Variants in WNT7B observed in about 807,000 individuals in gnomAD.
WNT7B encodes Wnt family member 7B.
A neutral mutation model predicts 38.2 loss-of-function variants in WNT7B; 19 were observed. The ratio of observed to expected loss-of-function variants is 0.50; its 90% confidence interval spans 0.35 to 0.73. WNT7B has a LOEUF of 0.73. Among genes scored for constraint, WNT7B ranks in the 30% least tolerant of loss-of-function variants. WNT7B has a pLI of 0.01. For missense variants in WNT7B, 423 were observed against 507.9 expected (o/e 0.83, Z 1.61); for synonymous variants, 243 against 209.3 (o/e 1.16, Z -1.39).
rs1387142659 is a variant in WNT7B, at chr22:45,960,607, C to T, written c.72-10461G>A. On this transcript the variant is annotated intron_variant, in intron 1 of 3. Transcript: ENST00000339464. ...GCTGCCGGGCGGCCCTGGGCTCCTG[C>T]GGCCCACGCTTCTGGCCCGGGGCGC... 2.0e-5 allele frequency among the ~76,000 whole-genome samples: 3 copies of T among 152,230 alleles called. No homozygotes were observed. In the East Asian group the frequency reaches 5.8e-4, roughly 29 times the overall value.
At chr22:45,931,635 T>C (rs967661931) in intron 2 of WNT7B, among the ~76,000 whole-genome samples, 2 of 135,674 alleles carry the variant, frequency 1.5e-5, no homozygotes, top group African/African-American at 2.5e-5. Flanking sequence ...CAGTGCACCC[T>C]GCGACTGCCC....
intron 3 of WNT7B, among the ~76,000 whole-genome samples, chr22:45,929,537 C>A: frequency 6.8e-6 from 1 of 146,678 alleles, no homozygotes. Context: ...TCCACCCACT[C>A]ATCCTTCCAA....
intron 2 of WNT7B, among the ~76,000 whole-genome samples, chr22:45,941,566 G>C (rs1469801600): frequency 3.3e-5 from 5 of 151,860 alleles, no homozygotes; most frequent in Non-Finnish European, 7.4e-5. Context: ...CCCCAATGCA[G>C]TGAGGGCAGC....
At chr22:45,974,321 C>A (rs1023504310) in intron 1 of WNT7B, among the ~76,000 whole-genome samples, 1 of 152,210 alleles carries the variant, frequency 6.6e-6, no homozygotes, top group Admixed American at 6.5e-5. Flanking sequence ...ACTCCCCAAC[C>A]TCCTCCTTAA....
chr22:45,933,824 G>A (rs1398363514), intron 2 of WNT7B, among the ~76,000 whole-genome samples: 3 of 152,214 alleles, frequency 2.0e-5, no homozygotes, highest in African/African-American at 7.2e-5. Context: ...AAGATGCTGA[G>A]CTGTGGAAGG....
At chr22:45,931,425 T>A in intron 2 of WNT7B, 56 bp from the exon 3 acceptor site, 1 of 1,511,002 alleles carries the variant, frequency 6.6e-7, no homozygotes. Context: ...CCAGGTGGGC[T>A]CAGGGGACAG....
intron 1 of WNT7B, among the ~76,000 whole-genome samples, chr22:45,953,640 G>A (rs1206969702): frequency 6.6e-6 from 1 of 151,030 alleles, no homozygotes. Context: ...TGGAGAAGAC[G>A]CTCAACCTCA....
At chr22:45,933,015 G>A (rs893125458) in intron 2 of WNT7B, among the ~76,000 whole-genome samples, 3 of 152,238 alleles carry the variant, frequency 2.0e-5, no homozygotes, top group African/African-American at 7.2e-5. Context: ...GCTAGGGGCT[G>A]TGTGCATGCT....
intron 2 of WNT7B, among the ~76,000 whole-genome samples, chr22:45,946,679 C>T (rs573064010): frequency 5.0e-4 from 71 of 142,970 alleles, no homozygotes; most frequent in African/African-American, 1.9e-3. Context: ...CCCTCTGAGG[C>T]GAGCAGAGCA....
intron 2 of WNT7B, among the ~76,000 whole-genome samples, chr22:45,932,443 G>A (rs1601720264): frequency 6.6e-6 from 1 of 151,630 alleles, no homozygotes; most frequent in South Asian, 2.1e-4. Flanking sequence ...GGAGCACTTG[G>A]TACCTGACCC....
intron 3 of WNT7B, chr22:45,926,650 C>T (rs1601714151): frequency 1.0e-6 from 1 of 985,356 alleles, no homozygotes. Context: ...GAATGAGGTG[C>T]CTCACACCCT....
At chr22:45,974,903 G>A (rs1318088728) in intron 1 of WNT7B, among the ~76,000 whole-genome samples, 1 of 152,152 alleles carries the variant, frequency 6.6e-6, no homozygotes, top group Non-Finnish European at 1.5e-5. Flanking sequence ...TCAAGCCCTG[G>A]AAGCAGCCCC....
intron 2 of WNT7B, among the ~76,000 whole-genome samples, chr22:45,935,242 A>G (rs1340585291): frequency 3.3e-5 from 5 of 152,148 alleles, no homozygotes; most frequent in Non-Finnish European, 7.4e-5. Flanking sequence ...GCCTGGACCC[A>G]TGTGCCTTGC....
At chr22:45,925,392 G>A (rs1441760660) in intron 3 of WNT7B, 1 of 985,254 alleles carries the variant, frequency 1.0e-6, no homozygotes, top group Non-Finnish European at 1.2e-6. Context: ...GTGGGAGAGG[G>A]AGGCTGATGT....
chr22:45,922,980 C>T lies in WNT7B; in HGVS notation c.926G>A (p.Cys309Tyr). 6.2e-7 allele frequency: 1 copy of T among 1,613,296 alleles called. No homozygotes were observed. Among genetic ancestry groups the T allele is most frequent in the Non-Finnish European group, 8.5e-7 (1 of 1,179,864 alleles). ...CTGGTGGGTGTTGTAGCCTCGGCCGCAGCACATGGTGTCACAGCCGTCCGC... is the reference window on the plus strand; with the variant it reads ...CTGGTGGGTGTTGTAGCCTCGGCCGTAGCACATGGTGTCACAGCCGTCCGC... Reference protein sequence around the residue: ...PGADGCDTMCCGRGYNTHQYT... With the variant: ...PGADGCDTMCYGRGYNTHQYT... The change falls in exon 4 of 4, where the codon TGC becomes TAC. Residue 309 changes from cysteine (C) to tyrosine (Y), a missense_variant. Transcript: ENST00000339464.
chr22:45,936,259 C>T (rs1931511751), intron 2 of WNT7B: 1 of 796,762 alleles, frequency 1.3e-6, no homozygotes, highest in African/African-American at 1.9e-5. Context: ...CCTCACCTTG[C>T]TGCACAGCCC....
chr22:45,931,426 CAG>C, intron 2 of WNT7B, 57 bp from the exon 3 acceptor site: 3 of 1,505,064 alleles, frequency 2.0e-6, no homozygotes, highest in East Asian at 2.3e-5. Context: ...CAGGTGGGCT[CAG>C]GGGACAGGGT....
chr22:45,931,469 G>A, intron 2 of WNT7B, 100 bp from the exon 3 acceptor site: 1 of 1,368,250 alleles, frequency 7.3e-7, no homozygotes, highest in African/African-American at 1.5e-5. Flanking sequence ...CTGTTGGCTG[G>A]TTGTGTGACC....
Position 45,976,740 on chromosome 22 carries a change from A to G in WNT7B, c.15T>C (p.Phe5=). 1.9e-6 allele frequency: 3 copies of G among 1,609,520 alleles called. No homozygotes were observed. The highest frequency in any genetic ancestry group is 2.2e-5 in the East Asian group (1 of 44,678). ...GAAACACGTAGAAAATCCACTTGCG[A>G]AAGTTTCTGTGCATGATCCAGGGAG... MHRN[F]RKWIFYVFLC... is the part of the protein sequence containing the mutation. The change falls in exon 1 of 4, where the codon TTT becomes TTC. Residue 5 remains phenylalanine (F), a synonymous_variant. Coordinates refer to ENST00000339464, the MANE Select transcript of WNT7B (RefSeq NM_058238.3). The surrounding 1 kb of genome is among the most constrained non-coding windows in gnomAD (Gnocchi z 8.5).
Sources: allele counts gnomAD v4.1 joint callset (sites outside exome capture counted in the v4.1 genomes callset), GRCh38; gene constraint gnomAD v4.1.1; non-coding constraint Gnocchi (gnomAD v3.1); transcripts MANE v1.5; gene names NCBI Gene and HGNC (gene_info 2026-07-23, HGNC 2026-07-21).